CA10: variants seen among roughly 807,000 people sequenced by gnomAD.
CA10 encodes carbonic anhydrase-related protein 10.
Under a neutral mutation model 44.2 loss-of-function variants are expected in CA10, and 14 were observed. That is an observed-to-expected ratio of 0.32 (90% CI 0.21 to 0.50). The LOEUF (loss-of-function observed/expected upper bound fraction) is 0.50. Among genes scored for constraint, CA10 ranks in the 20% least tolerant of loss-of-function variants. CA10 has a pLI of 0.99. For synonymous variants in CA10, 159 were observed against 141.6 expected (o/e 1.12, Z -0.87); for missense variants, 350 against 409.7 (o/e 0.85, Z 1.26).
At chr17:51,797,718 G>A (rs1906767680) in intron 3 of CA10, among the ~76,000 whole-genome samples, 1 of 151,924 alleles carries the variant, frequency 6.6e-6, no homozygotes, top group Admixed American at 6.6e-5. Flanking sequence ...GCCGGGCATG[G>A]TGGCATGCGC....
intron 2 of CA10, among the ~76,000 whole-genome samples, chr17:52,044,374 G>T (rs1185976688): frequency 6.6e-6 from 1 of 152,014 alleles, no homozygotes; most frequent in Non-Finnish European, 1.5e-5. Flanking sequence ...CATGATCATT[G>T]CTCACTGCAG....
intron 4 of CA10, among the ~76,000 whole-genome samples, chr17:51,735,145 T>A (rs1383670691): frequency 6.6e-6 from 1 of 152,188 alleles, no homozygotes; most frequent in Non-Finnish European, 1.5e-5. Context: ...TCTGGATTCT[T>A]GTTAGATATG....
At chr17:51,771,498 ACACCCAG>A (rs1233466475) in intron 3 of CA10, among the ~76,000 whole-genome samples, 1 of 152,112 alleles carries the variant, frequency 6.6e-6, no homozygotes, top group Non-Finnish European at 1.5e-5. Context: ...TTCCCATGCC[ACACCCAG>A]CATTGCCTAC....
intron 3 of CA10, among the ~76,000 whole-genome samples, chr17:51,873,661 A>C (rs577931283): frequency 1.3e-5 from 2 of 152,304 alleles, no homozygotes; most frequent in East Asian, 3.9e-4. Context: ...TCTAGTGTCC[A>C]TGACTGGCCA....
chr17:51,772,438 A>C (rs1905647156), intron 3 of CA10, among the ~76,000 whole-genome samples: 1 of 152,242 alleles, frequency 6.6e-6, no homozygotes, highest in Non-Finnish European at 1.5e-5. Context: ...AAGATTTCCT[A>C]AACTTGGCTG....
At chr17:51,844,793 A>C (rs1215646823) in intron 3 of CA10, among the ~76,000 whole-genome samples, 1 of 152,212 alleles carries the variant, frequency 6.6e-6, no homozygotes, top group East Asian at 1.9e-4. Flanking sequence ...TAATAAAACA[A>C]AACAGAAATG....
chr17:52,138,868 G>C (rs112155147), intron 1 of CA10, among the ~76,000 whole-genome samples: 1,817 of 152,238 alleles, frequency 0.012, 37 homozygotes, highest in African/African-American at 0.042. Flanking sequence ...AGTCCTGAAG[G>C]TTTCATTATT....
chr17:52,150,684 C>A (rs540213108), intron 1 of CA10, among the ~76,000 whole-genome samples: 2 of 152,102 alleles, frequency 1.3e-5, no homozygotes, highest in East Asian at 1.9e-4. Context: ...AACTGCTACA[C>A]AATGCTTTGT....
At chr17:52,108,499 C>A (rs1988717790) in intron 1 of CA10, among the ~76,000 whole-genome samples, 1 of 151,448 alleles carries the variant, frequency 6.6e-6, no homozygotes, top group Admixed American at 6.6e-5. Context: ...GAGTTCGAGA[C>A]CAGCCTGACC....
intron 3 of CA10, among the ~76,000 whole-genome samples, chr17:51,897,456 T>C (rs1369084197): frequency 6.6e-6 from 1 of 152,204 alleles, no homozygotes; most frequent in East Asian, 1.9e-4. Flanking sequence ...CATGCTGTTT[T>C]GGTTACTGTA....
intron 2 of CA10, among the ~76,000 whole-genome samples, chr17:51,937,593 C>T (rs889450578): frequency 6.6e-6 from 1 of 152,044 alleles, no homozygotes; most frequent in Non-Finnish European, 1.5e-5. Flanking sequence ...CCTATTTAAC[C>T]CATAATCATT....
intron 4 of CA10, among the ~76,000 whole-genome samples, chr17:51,721,503 A>T (rs923869777): frequency 6.6e-6 from 1 of 151,540 alleles, no homozygotes; most frequent in African/African-American, 2.4e-5. Context: ...CACCTAGCTA[A>T]TTTTTCTATT....
intron 2 of CA10, among the ~76,000 whole-genome samples, chr17:52,025,230 G>T (rs1039999892): frequency 2.2e-4 from 34 of 152,034 alleles, no homozygotes; most frequent in African/African-American, 6.8e-4. Flanking sequence ...GATTGAACTG[G>T]CTGAGTTCTA....
chr17:51,703,187 CTGAGA>C (rs1915655345), intron 4 of CA10, among the ~76,000 whole-genome samples: 1 of 152,072 alleles, frequency 6.6e-6, no homozygotes, highest in African/African-American at 2.4e-5. Context: ...TCCAATTGGC[CTGAGA>C]TAAGCCTCTG....
intron 3 of CA10, among the ~76,000 whole-genome samples, chr17:51,801,735 AG>A (rs1906941198): frequency 6.6e-6 from 1 of 152,092 alleles, no homozygotes; most frequent in South Asian, 2.1e-4. Context: ...TGAAAATTAT[AG>A]TGCAGTAAGA....
chr17:51,756,474 T>TG (rs1173365817), intron 3 of CA10, among the ~76,000 whole-genome samples: 2 of 102,362 alleles, frequency 2.0e-5, no homozygotes, highest in Admixed American at 1.2e-4. Context: ...AGGTAGTTGT[T>TG]TTTTTTTTTT....
rs529106227 is a variant in CA10 at position 51,791,820 on chromosome 17, C to A, written c.280-44002G>T. On this transcript the variant is annotated intron_variant, in intron 3 of 8. Coordinates refer to ENST00000451037, the MANE Select transcript of CA10 (RefSeq NM_020178.5). ...CTTTCTTTTAATAGCTTTTGAAGAC[C>A]CTGTAAATCTTTTCAAATTTTTGGG... 2.0e-5 allele frequency among the ~76,000 whole-genome samples: 3 copies of A among 152,054 alleles called. No homozygotes were observed. In the East Asian group the frequency reaches 5.8e-4, roughly 29 times the overall value.
Position 51,982,234 on chromosome 17 carries a change from A to C in CA10, c.137-51102T>G, listed in dbSNP as rs139589282. Among the ~76,000 whole-genome samples the C allele has an allele frequency of 7.9e-5, 12 of 152,076 alleles. No individual in the cohort carries two copies. The East Asian group carries it at 2.1e-3, about 27-fold the overall frequency. ...TTTTTCCTGGTATTTAACATTTGCC[A>C]GTGTGTCTACTGTGTGCAACCTTCC... On this transcript the variant is annotated intron_variant, in intron 2 of 8. Transcript: ENST00000451037.
chr17:51,972,579 A>G (rs1396172228), intron 2 of CA10, among the ~76,000 whole-genome samples: 2 of 152,128 alleles, frequency 1.3e-5, no homozygotes, highest in African/African-American at 4.8e-5. Flanking sequence ...TGGATTCAAG[A>G]ACATATAAAT....
Sources: gnomAD v4.1 joint callset for allele counts (sites outside exome capture counted in the v4.1 genomes callset) on GRCh38, gnomAD v4.1.1 for gene constraint, MANE v1.5 for transcripts, NCBI Gene and HGNC (gene_info 2026-07-23, HGNC 2026-07-21) for gene names.